The following TRIM66 variants were observed in gnomAD, a reference collection of about 807,000 sequenced individuals.
The protein encoded by TRIM66 is tripartite motif-containing protein 66.
In TRIM66, 99 loss-of-function variants were observed where a neutral mutation model predicts 148.2. The observed-to-expected ratio is 0.67, with a 90% CI of 0.57 to 0.79. The LOEUF (loss-of-function observed/expected upper bound fraction) is 0.79, where lower values mean the gene tolerates loss of function less well. Among genes scored for constraint, TRIM66 ranks in the 30% least tolerant of loss-of-function variants. The pLI, the probability that TRIM66 is intolerant of heterozygous loss-of-function variation, is 0.00. For synonymous variants in TRIM66, 616 were observed against 635.9 expected (o/e 0.97, Z 0.47); for missense variants, 1,666 against 1,697.9 (o/e 0.98, Z 0.33).
intron 6 of TRIM66, among the ~76,000 whole-genome samples, chr11:8,662,580 CCAGT>C (rs1292538548): frequency 2.0e-5 from 3 of 152,144 alleles, no homozygotes; most frequent in South Asian, 2.1e-4. Flanking sequence ...TTAGAATTGC[CCAGT>C]CAATTAGTGC....
Position 8,621,880 on chromosome 11 carries a change from G to T in TRIM66, c.3081-61C>A, listed in dbSNP as rs999353107. On this transcript the variant is annotated intron_variant, in intron 18 of 24. Coordinates refer to ENST00000646038, the MANE Select transcript of TRIM66 (RefSeq NM_001388022.1). ...ATCCTCCTCTGGTCCCAACCTCTAA[G>T]TCAGAAACATCCATGATCCCTGTGA... The T allele has an allele frequency of 7.7e-6, 11 of 1,425,084 alleles. No individual in the cohort carries two copies. In the East Asian group the frequency reaches 1.0e-4, roughly 13 times the overall value. 88.3% of individuals were successfully genotyped at this position (1,425,084 alleles called of 1,614,324 possible).
chr11:8,622,927 C>A (rs908461593), intron 17 of TRIM66, 51 bp from the exon 18 acceptor site: 5 of 1,463,810 alleles, frequency 3.4e-6, no homozygotes, highest in Non-Finnish European at 2.8e-6. Context: ...TGGCAACAAA[C>A]CCCGTCATGC....
chr11:8,632,449 T>C (rs1265008457), intron 15 of TRIM66, among the ~76,000 whole-genome samples: 2 of 129,754 alleles, frequency 1.5e-5, no homozygotes, highest in African/African-American at 5.7e-5. Flanking sequence ...TTTCACATGT[T>C]GATTTTTTTT....
intron 15 of TRIM66, among the ~76,000 whole-genome samples, chr11:8,628,477 G>C (rs909440978): frequency 2.0e-5 from 3 of 151,848 alleles, no homozygotes; most frequent in African/African-American, 7.3e-5. Flanking sequence ...GCCAGGCATG[G>C]TGGCATGGGC....
chr11:8,619,330 A>ATT, intron 23 of TRIM66, 53 bp downstream of exon 23: 18 of 1,064,342 alleles, frequency 1.7e-5, no homozygotes, highest in Non-Finnish European at 2.4e-5. Context: ...CCCACCCATG[A>ATT]CAGTCCTGGG....
chr11:8,681,474 G>A (rs2133592106), intron 1 of TRIM66, among the ~76,000 whole-genome samples: 2 of 152,186 alleles, frequency 1.3e-5, no homozygotes, highest in Middle Eastern at 6.8e-3. Flanking sequence ...TTAGCTGAAG[G>A]GGGCAAGACA....
chr11:8,621,841 G>A (rs946367193), intron 18 of TRIM66, 22 bp from the exon 19 acceptor site: 14 of 1,520,014 alleles, frequency 9.2e-6, no homozygotes, highest in East Asian at 4.9e-5. Context: ...CAGACACCCC[G>A]GGGTCTTGGT....
At position 8,640,389 on chromosome 11, in the gene TRIM66, C is replaced by A; in HGVS notation, c.1986G>T (p.Met662Ile). ...GGAGAAGAAGCTCCAAGTCCTTCTG[C>A]ATTTCCTCCAGCTCAAACTTGTGAT... is the stretch of plus-strand genomic sequence containing the variant. ...IMHHKFELEE[M>I]QKDLELLLQA... The change falls in exon 14 of 25, where the codon ATG (methionine) becomes ATT (isoleucine). Residue 662 changes from methionine (M) to isoleucine (I), a missense_variant. Physicochemically the swap from Met to Ile is conservative, Grantham distance 10. Around this residue, in one of 3 missense-constraint regions of TRIM66, gnomAD observed 1,431 missense variants for 1,412.4 expected, o/e 1.01. Coordinates refer to ENST00000646038, the MANE Select transcript of TRIM66 (RefSeq NM_001388022.1). 6.4e-7 allele frequency: 1 copy of A among 1,551,914 alleles called. No homozygotes were observed. The highest frequency in any genetic ancestry group is 8.7e-7 in the Non-Finnish European group (1 of 1,147,066).
chr11:8,658,804 T>TG lies in TRIM66; in HGVS notation c.341-6902dup, dbSNP rs1222106336. 9 of 984,880 alleles carry TG rather than the reference T, an allele frequency of 9.1e-6. No individual in the cohort carries two copies. In the African/African-American group the frequency reaches 1.1e-4, roughly 12 times the overall value. 61.0% of individuals were successfully genotyped at this position (984,880 alleles called of 1,614,324 possible). ...ATGCCCCCGGCACTGAAGGAGGGTG[T>TG]GGGGGGGCCTTCAACAGACATTGAA... On this transcript the variant is annotated intron_variant, in intron 6 of 24. Coordinates refer to ENST00000646038, the MANE Select transcript of TRIM66 (RefSeq NM_001388022.1).
chr11:8,620,713 G>A (rs571362850), intron 20 of TRIM66, 141 bp from the exon 21 acceptor site: 177 of 1,373,020 alleles, frequency 1.3e-4, no homozygotes, highest in Non-Finnish European at 1.4e-4. Flanking sequence ...CACAGGCTTG[G>A]AAGAAATTCA....
At chr11:8,641,510 G>T (rs1423369821) in intron 13 of TRIM66, among the ~76,000 whole-genome samples, 3 of 152,176 alleles carry the variant, frequency 2.0e-5, no homozygotes, top group Non-Finnish European at 2.9e-5. Flanking sequence ...CAACTTTGGG[G>T]TTGGGAGGGA....
Position 8,640,947 on chromosome 11 carries a change from G to A in TRIM66, c.1428C>T (p.Ser476=), listed in dbSNP as rs1311773033. The A allele has an allele frequency of 1.9e-6, 3 of 1,551,198 alleles. No individual in the cohort carries two copies. The highest frequency in any genetic ancestry group is 1.2e-5 in the South Asian group (1 of 84,018). ...TGGGTGGGGGGACCTGGCCTTTGAG[G>A]GAAGGCGAGACTGGGGAGCAGTGGG... ...CCSHCSPVSP[S]LKGQVPPPSI... is the part of the protein sequence containing the mutation. The change falls in exon 14 of 25, where the codon TCC becomes TCT. Residue 476 remains serine, a synonymous_variant. Coordinates refer to ENST00000646038, the MANE Select transcript of TRIM66 (RefSeq NM_001388022.1).
At chr11:8,678,801 G>A (rs900689877) in intron 3 of TRIM66, among the ~76,000 whole-genome samples, 7 of 152,178 alleles carry the variant, frequency 4.6e-5, no homozygotes, top group Non-Finnish European at 5.9e-5. Context: ...GACTGATGTC[G>A]AATTCAGGAA....
chr11:8,661,924 G>A (rs1282862668), intron 6 of TRIM66, among the ~76,000 whole-genome samples: 1 of 152,088 alleles, frequency 6.6e-6, no homozygotes, highest in Non-Finnish European at 1.5e-5. Flanking sequence ...AGCAGCACTG[G>A]CAGCAGCAAG....
intron 1 of TRIM66, among the ~76,000 whole-genome samples, chr11:8,681,290 C>T (rs901273228): frequency 2.0e-5 from 3 of 152,042 alleles, no homozygotes; most frequent in Admixed American, 6.6e-5. Flanking sequence ...CCCACCACCA[C>T]GCCCATCTAA....
intron 14 of TRIM66, 110 bp from the exon 15 acceptor site, chr11:8,638,925 G>A: frequency 8.5e-7 from 1 of 1,170,608 alleles, no homozygotes; most frequent in Non-Finnish European, 1.2e-6. Flanking sequence ...ATCACCACTT[G>A]CACATTGTGG....
rs1022569903 is a variant in TRIM66, at chr11:8,640,146, G to A, written c.2148+81C>T. 15 of 1,364,306 alleles carry A rather than the reference G, an allele frequency of 1.1e-5. No individual in the cohort carries two copies. The African/African-American group carries it at 1.9e-4, about 17-fold the overall frequency. The allele number at this position is 1,364,306 out of a possible 1,614,324, so 84.5% of individuals were successfully genotyped here. A position where few individuals can be genotyped will look rare whatever the true frequency, so the allele number is the denominator to read the frequency against. ...GGTGCAGAAACTGTATTCCTGTGCT[G>A]CCTTGTTTTTGGGGAGGCTGTGTTC... On this transcript the variant is annotated intron_variant, in intron 14 of 24. Transcript: ENST00000646038.
intron 6 of TRIM66, among the ~76,000 whole-genome samples, chr11:8,656,988 T>G (rs1315258266): frequency 6.6e-6 from 1 of 152,010 alleles, no homozygotes; most frequent in Non-Finnish European, 1.5e-5. Flanking sequence ...AGGCCTAGAG[T>G]GCAGCCTGAG....
chr11:8,620,902 C>A, intron 20 of TRIM66, 130 bp downstream of exon 20: 1 of 1,263,520 alleles, frequency 7.9e-7, no homozygotes. Context: ...ACTCACAGAC[C>A]TGCAATTCAA....
Sources: gnomAD v4.1 joint callset for allele counts (sites outside exome capture counted in the v4.1 genomes callset) on GRCh38, gnomAD v4.1.1 for gene constraint, gnomAD v4.1.1 regional missense constraint, MANE v1.5 for transcripts, NCBI Gene and HGNC (gene_info 2026-07-23, HGNC 2026-07-21) for gene names.